The following LAMA2 variants were observed in gnomAD, a reference collection of about 807,000 sequenced individuals.
LAMA2 encodes the protein laminin subunit alpha-2.
In LAMA2, 269 loss-of-function variants were observed where a neutral mutation model predicts 364.8. That is an observed-to-expected ratio of 0.74 (90% CI 0.67 to 0.82). The LOEUF is 0.82. Ranked by LOEUF, LAMA2 falls within the 40% of genes least tolerant of loss-of-function variation. The probability of loss-of-function intolerance (pLI) is 0.00; values close to 1 mark genes in which losing one functional copy is unlikely to be tolerated. For synonymous variants in LAMA2, 1,379 were observed against 1,370.6 expected, an observed-to-expected ratio of 1.01 and a Z score of -0.14; for missense variants, 3,807 against 3,873.2, an observed-to-expected ratio of 0.98 and a Z score of 0.45.
At chr6:129,506,364 T>C (rs999182236) in intron 61 of LAMA2, among the ~76,000 whole-genome samples, 3 of 151,228 alleles carry the variant, frequency 2.0e-5, no homozygotes, top group East Asian at 1.9e-4. Flanking sequence ...AAAAAATAAA[T>C]AAATAAATAA....
intron 4 of LAMA2, among the ~76,000 whole-genome samples, chr6:129,133,715 T>C (rs1324378488): frequency 6.6e-6 from 1 of 152,120 alleles, no homozygotes; most frequent in African/African-American, 2.4e-5. Flanking sequence ...ACATCTTGAG[T>C]TTTAAGCTTT....
At chr6:129,246,378 C>T (rs947791499) in intron 12 of LAMA2, among the ~76,000 whole-genome samples, 1 of 152,130 alleles carries the variant, frequency 6.6e-6, no homozygotes, top group Admixed American at 6.5e-5. Context: ...AACTTGTGAA[C>T]CACCTTGAAT....
intron 1 of LAMA2, among the ~76,000 whole-genome samples, chr6:129,043,910 G>A (rs945969537): frequency 4.6e-5 from 7 of 152,116 alleles, no homozygotes; most frequent in African/African-American, 1.7e-4. Flanking sequence ...AATCTGACTA[G>A]GGCAGGTGTA....
chr6:129,369,151 T>C (rs1777933937), intron 33 of LAMA2, among the ~76,000 whole-genome samples: 1 of 152,168 alleles, frequency 6.6e-6, no homozygotes, highest in Admixed American at 6.5e-5. Context: ...GATAAAGCTA[T>C]GATTAATAAG....
intron 1 of LAMA2, among the ~76,000 whole-genome samples, chr6:128,965,980 T>G (rs971693991): frequency 5.4e-5 from 5 of 93,356 alleles, no homozygotes; most frequent in Admixed American, 3.9e-4. Context: ...AAACCAGAGG[T>G]TTTTTTTTTT....
At chr6:129,406,690 C>T (rs1780264906) in intron 40 of LAMA2, among the ~76,000 whole-genome samples, 1 of 152,180 alleles carries the variant, frequency 6.6e-6, no homozygotes, top group Non-Finnish European at 1.5e-5. Context: ...TCAAAGCCTA[C>T]ATTATCTATC....
At position 129,330,592 on chromosome 6, in the gene LAMA2, G is replaced by GTT. The variant is rs1406358715; in HGVS notation, c.4311+2184_4311+2185dup. ...TGAAGCGTTTTTTTGTTGTTGTTTG[G>GTT]TTTTTGTTTTTTTTTTTTTTTTTCC... On this transcript the variant is annotated intron_variant, in intron 29 of 64. Coordinates refer to ENST00000421865, the MANE Select transcript of LAMA2 (RefSeq NM_000426.4). Among the ~76,000 whole-genome samples, 86 of 78,520 alleles carry GTT rather than the reference G, an allele frequency of 1.1e-3. 1 individual carries two copies. Among genetic ancestry groups the GTT allele is most frequent in the African/African-American group, 4.2e-3 (81 of 19,462 alleles). The allele number at this position is 78,520 out of a possible 152,430, so 51.5% of individuals were successfully genotyped here.
In LAMA2 at chr6:129,365,130, T is replaced by C. The variant is rs138201943; in HGVS notation, c.4718-1089T>C. 3.3e-4 allele frequency among the ~76,000 whole-genome samples: 50 copies of C among 152,312 alleles called. No homozygotes were observed. In the East Asian group the frequency reaches 9.5e-3, roughly 29 times the overall value. On this transcript the variant is annotated intron_variant, in intron 32 of 64. Transcript: ENST00000421865. ...GGACACAGATCCAAACCATATCTGG[T>C]AGAATATTAGCATTCTTGGCTACTT...
In LAMA2 at chr6:129,286,723, A is replaced by G. The variant is rs1366536420; in HGVS notation, c.2538-1124A>G. Among the ~76,000 whole-genome samples, 3 of 402 alleles carry G rather than the reference A, an allele frequency of 7.5e-3. 1 individual carries two copies. Among genetic ancestry groups the G allele is most frequent in the African/African-American group, 0.011 (3 of 270 alleles). The allele number at this position is 402 out of a possible 152,430, so 0.3% of individuals were successfully genotyped here. On this transcript the variant is annotated intron_variant, in intron 18 of 64. Transcript: ENST00000421865. ...TATATAATAATATATAATATATTAT[A>G]TAATATATTATATAATATATAATAA...
At chr6:129,100,032 A>G (rs1168864678) in intron 4 of LAMA2, among the ~76,000 whole-genome samples, 2 of 152,244 alleles carry the variant, frequency 1.3e-5, no homozygotes, top group African/African-American at 2.4e-5. Flanking sequence ...CAAACAATTT[A>G]AGACTATTCT....
chr6:129,145,320 G>A (rs1778371174), intron 5 of LAMA2, among the ~76,000 whole-genome samples: 1 of 151,936 alleles, frequency 6.6e-6, no homozygotes, highest in African/African-American at 2.4e-5. Flanking sequence ...TTAGTCCCAT[G>A]CAACATATGT....
At chr6:128,960,755 A>G (rs1030251596) in intron 1 of LAMA2, among the ~76,000 whole-genome samples, 4 of 152,172 alleles carry the variant, frequency 2.6e-5, no homozygotes, top group African/African-American at 4.8e-5. Context: ...AAATATTACC[A>G]TAATTTAATA....
chr6:129,379,380 CTTAAAAG>C (rs1408422014), intron 34 of LAMA2, among the ~76,000 whole-genome samples: 8 of 151,446 alleles, frequency 5.3e-5, no homozygotes, highest in African/African-American at 1.9e-4. Context: ...TATCCCTGAA[CTTAAAAG>C]TTAAAAAAAT....
intron 56 of LAMA2, among the ~76,000 whole-genome samples, chr6:129,488,053 T>C (rs1290754920): frequency 6.6e-6 from 1 of 152,210 alleles, no homozygotes; most frequent in Non-Finnish European, 1.5e-5. Context: ...CTCACACCTG[T>C]AATCCCAGCA....
intron 12 of LAMA2, among the ~76,000 whole-genome samples, chr6:129,200,115 T>C (rs368725544): frequency 2.2e-4 from 26 of 116,044 alleles, no homozygotes; most frequent in Non-Finnish European, 2.5e-4. Context: ...TGTACACGTA[T>C]ATATATGTGT....
Position 128,883,156 on chromosome 6 carries a change from T to A in LAMA2, c.-90T>A, listed in dbSNP as rs966075110. 8.2e-5 allele frequency: 106 copies of A among 1,289,194 alleles called. No homozygotes were observed. Among genetic ancestry groups the A allele is most frequent in the Non-Finnish European group, 1.1e-4 (102 of 922,200 alleles). The allele number at this position is 1,289,194 out of a possible 1,614,324, so 79.9% of individuals were successfully genotyped here. A position where few individuals can be genotyped will look rare whatever the true frequency, so the allele number is the denominator to read the frequency against. ...TCTCCTCCTCTTCCCCAGCAGCTGC[T>A]GCTCGCTCAGCTCACAAGCCAAGGC... is the stretch of plus-strand genomic sequence containing the variant. On this transcript the variant is annotated 5_prime_UTR_variant, in exon 1 of 65. Transcript: ENST00000421865.
At chr6:129,458,856 A>G (rs148841560) in intron 48 of LAMA2, among the ~76,000 whole-genome samples, 3 of 152,136 alleles carry the variant, frequency 2.0e-5, no homozygotes, top group South Asian at 4.1e-4. Context: ...TGATTTTACT[A>G]TTTAAAATTT....
intron 45 of LAMA2, 102 bp from the exon 46 acceptor site, chr6:129,452,886 A>G: frequency 1.0e-6 from 1 of 1,002,414 alleles, no homozygotes; most frequent in South Asian, 1.3e-5. Flanking sequence ...ATAGAAAATA[A>G]CTTCAAAGAA....
At chr6:129,109,104 T>G (rs929431611) in intron 4 of LAMA2, among the ~76,000 whole-genome samples, 3 of 152,144 alleles carry the variant, frequency 2.0e-5, no homozygotes, top group Non-Finnish European at 4.4e-5. Flanking sequence ...TGGAGCCTGC[T>G]AGTGTGTGGG....
Sources: gnomAD v4.1 joint callset for allele counts (sites outside exome capture counted in the v4.1 genomes callset) on GRCh38, gnomAD v4.1.1 for gene constraint, MANE v1.5 for transcripts, NCBI Gene and HGNC (gene_info 2026-07-23, HGNC 2026-07-21) for gene names.